DAZAP1: variants seen among roughly 807,000 people sequenced by gnomAD.
The protein encoded by DAZAP1 is DAZ-associated protein 1.
In DAZAP1, 6 loss-of-function variants were observed where a neutral mutation model predicts 60.1. The observed-to-expected ratio is 0.10, with a 90% CI of 0.05 to 0.20. DAZAP1 has a LOEUF of 0.20. DAZAP1 is among the 10% of genes least tolerant of loss of function. The pLI is 1.00. For synonymous variants in DAZAP1, 235 were observed against 215.9 expected, an observed-to-expected ratio of 1.09 and a Z score of -0.78; for missense variants, 366 against 560.4, an observed-to-expected ratio of 0.65 and a Z score of 3.50.
chr19:1,421,306 T>G lies in DAZAP1; in HGVS notation c.414+48T>G, dbSNP rs746142427. On this transcript the variant is annotated intron_variant, in intron 5 of 11. Transcript: ENST00000233078. ...AGCACTGTGGGGACAGAGCCGCTTCTGCTCAGGCCTGGGCCTTCTTGGGGC... is the reference window on the plus strand; with the variant it reads ...AGCACTGTGGGGACAGAGCCGCTTCGGCTCAGGCCTGGGCCTTCTTGGGGC... 23 of 1,556,814 alleles carry G rather than the reference T, an allele frequency of 1.5e-5. No homozygotes were observed. The Admixed American group carries it at 3.9e-4, about 26-fold the overall frequency.
chr19:1,426,669 G>A lies in DAZAP1; in HGVS notation c.546+709G>A, dbSNP rs1473869960. The A allele has an allele frequency of 6.6e-6, 1 of 152,154 alleles. No individual in the cohort carries two copies. Among genetic ancestry groups the A allele is most frequent in the African/African-American group, 2.4e-5 (1 of 41,412 alleles). 9.4% of individuals were successfully genotyped at this position (152,154 alleles called of 1,614,324 possible). A position where few individuals can be genotyped will look rare whatever the true frequency, so the allele number is the denominator to read the frequency against. On this transcript the variant is annotated intron_variant, in intron 7 of 11. Transcript: ENST00000233078. The surrounding 1 kb of genome is among the most constrained non-coding windows in gnomAD (Gnocchi z 5.4). ...GGACCCTTGGAGGTTCTTGAGAAGT[G>A]GACTCTGAAATAAATAACTGGTAGA...
intron 1 of DAZAP1, chr19:1,417,247 G>T (rs547475014): frequency 1.5e-5 from 8 of 538,524 alleles, no homozygotes; most frequent in South Asian, 1.4e-4. Context: ...CGCCCGCCAC[G>T]CATGAGGTCA....
At position 1,434,568 on chromosome 19, in the gene DAZAP1, C is replaced by T. The variant is rs571929635; in HGVS notation, c.1049-169C>T. 148 of 611,380 alleles carry T rather than the reference C, an allele frequency of 2.4e-4. No individual in the cohort carries two copies. The highest frequency in any genetic ancestry group is 3.4e-4 in the Non-Finnish European group (120 of 350,040). The allele number at this position is 611,380 out of a possible 1,614,324, so 37.9% of individuals were successfully genotyped here. ...ATGTTTTTGAGGGAGAGAACATGCC[C>T]GGGGTCCTCTCCCCGGCCCAGGTGC... On this transcript the variant is annotated intron_variant, in intron 11 of 11. Transcript: ENST00000233078. This position sits in a 1 kb window ranked among gnomAD's most constrained non-coding sequence, Gnocchi z 8.0.
Position 1,418,121 on chromosome 19 carries a change from G to T in DAZAP1, c.71-83G>T, listed in dbSNP as rs559656263. Reference sequence around the variant, plus strand: ...GGTGCGTGGCTGGTGGACTGGAGGAGTGTGCGTGCCGGCAGCACTGCCAGG... The same window carrying T: ...GGTGCGTGGCTGGTGGACTGGAGGATTGTGCGTGCCGGCAGCACTGCCAGG... On this transcript the variant is annotated intron_variant, in intron 2 of 11. Transcript: ENST00000233078. This position sits in a 1 kb window ranked among gnomAD's most constrained non-coding sequence, Gnocchi z 5.7. 833 of 1,432,946 alleles carry T rather than the reference G, an allele frequency of 5.8e-4. 11 individuals are homozygous for T. In the South Asian group the frequency reaches 9.6e-3, roughly 17 times the overall value. The allele number at this position is 1,432,946 out of a possible 1,614,324, so 88.8% of individuals were successfully genotyped here.
chr19:1,430,254 G>GCCCCCCCCCC lies in DAZAP1; in HGVS notation c.770_771insCCCCCCCCCC (p.Pro261AlafsTer169), dbSNP rs2083411087. ...TGGACCGCCCCCTGCAGGAAGAGGA[G>GCCCCCCCCCC]CCCCCCCGCCACCCCCACCGTTCAC... is the stretch of plus-strand genomic sequence containing the variant. On this transcript the variant is annotated frameshift_variant, in exon 10 of 12. Coordinates refer to ENST00000233078, the MANE Select transcript of DAZAP1 (RefSeq NM_018959.4). LOFTEE classifies it high-confidence loss of function. The GCCCCCCCCCC allele has an allele frequency of 1.7e-5, 22 of 1,295,208 alleles. No homozygotes were observed. Among genetic ancestry groups the GCCCCCCCCCC allele is most frequent in the Non-Finnish European group, 2.2e-5 (20 of 924,028 alleles). The allele number at this position is 1,295,208 out of a possible 1,614,324, so 80.2% of individuals were successfully genotyped here.
rs1181366598 is a variant in DAZAP1, at chr19:1,435,196, CT to C, written c.*292del. Reference sequence around the variant, plus strand: ...CAAAACTTCAGGTTTCTTTTTCTTCCTTTTTTTTGGAAATTATTTTCCTGAG... The same window carrying C: ...CAAAACTTCAGGTTTCTTTTTCTTCCTTTTTTTGGAAATTATTTTCCTGAG... On this transcript the variant is annotated 3_prime_UTR_variant, in exon 12 of 12. Transcript: ENST00000233078. 1.2e-4 allele frequency: 26 copies of C among 214,662 alleles called. No individual in the cohort carries two copies. The highest frequency in any genetic ancestry group is 2.1e-4 in the East Asian group (2 of 9,722). 13.3% of individuals were successfully genotyped at this position (214,662 alleles called of 1,614,324 possible).
At chr19:1,414,528 C>T (rs2082918369) in intron 1 of DAZAP1, among the ~76,000 whole-genome samples, 1 of 151,962 alleles carries the variant, frequency 6.6e-6, no homozygotes, top group Admixed American at 6.6e-5. Flanking sequence ...TGGTGGATCA[C>T]GAGGTCAAGA....
At position 1,422,330 on chromosome 19, in the gene DAZAP1, GC is replaced by G. The variant is rs1032704443; in HGVS notation, c.415-16del. On this transcript the variant is annotated splice_polypyrimidine_tract_variant and intron_variant, in intron 5 of 11. Transcript: ENST00000233078. The surrounding 1 kb of genome is among the most constrained non-coding windows in gnomAD (Gnocchi z 4.5). ...TGCTGGCCCTGGTGTCCGTGCTGAC[GC>G]CACCCTCTCCTTCCAGGTCACGGAG... is the stretch of plus-strand genomic sequence containing the variant. 9 of 1,613,470 alleles carry G rather than the reference GC, an allele frequency of 5.6e-6. No homozygotes were observed. In the African/African-American group the frequency reaches 1.1e-4, roughly 19 times the overall value.
chr19:1,413,337 C>G (rs1429213394), intron 1 of DAZAP1, among the ~76,000 whole-genome samples: 1 of 152,256 alleles, frequency 6.6e-6, no homozygotes, highest in African/African-American at 2.4e-5. Context: ...TGGGAGGTGC[C>G]TGCCCAGGGC....
chr19:1,422,252 G>A lies in DAZAP1; in HGVS notation c.415-96G>A, dbSNP rs1329374776. On this transcript the variant is annotated intron_variant, in intron 5 of 11. Transcript: ENST00000233078. The surrounding 1 kb of genome is among the most constrained non-coding windows in gnomAD (Gnocchi z 4.5). ...CCCGCTCAGGGAGGGCGCACCCTGT[G>A]CGAGAGTTTGGGTTCGTGGGAACAG... 3.4e-6 allele frequency: 4 copies of A among 1,160,746 alleles called. No homozygotes were observed. The highest frequency in any genetic ancestry group is 1.2e-5 in the South Asian group (1 of 80,016). 71.9% of individuals were successfully genotyped at this position (1,160,746 alleles called of 1,614,324 possible).
chr19:1,421,299 C>A, intron 5 of DAZAP1, 41 bp downstream of exon 5: 1 of 1,576,714 alleles, frequency 6.3e-7, no homozygotes, highest in Non-Finnish European at 8.7e-7. Flanking sequence ...GGGGACAGAG[C>A]CGCTTCTGCT....
intron 1 of DAZAP1, among the ~76,000 whole-genome samples, chr19:1,409,113 T>C (rs1314945524): frequency 1.3e-5 from 2 of 152,194 alleles, no homozygotes; most frequent in Non-Finnish European, 2.9e-5. Flanking sequence ...AGAACCAGGA[T>C]GAAAGCACTT....
chr19:1,429,864 CG>C (rs2083399391), intron 8 of DAZAP1, 102 bp from the exon 9 acceptor site: 1 of 1,426,280 alleles, frequency 7.0e-7, no homozygotes, highest in South Asian at 1.3e-5. Context: ...CAGGAGGCTC[CG>C]GGGTTGGTCC....
rs1569110818 is a variant in DAZAP1 at position 1,434,795 on chromosome 19, G to C, written c.1107G>C (p.Gln369His). The change falls in exon 12 of 12, where the codon CAG becomes CAC. Residue 369 changes from glutamine (Q) to histidine (H), a missense_variant. By Grantham distance (24) the Gln-to-His change is conservative. Coordinates refer to ENST00000233078, the MANE Select transcript of DAZAP1 (RefSeq NM_018959.4). This position sits in a 1 kb window ranked among gnomAD's most constrained non-coding sequence, Gnocchi z 8.0. ...AGGGCTTCTCAGACCCCAGCCAGCAGCCTCCTTCCTACGGGGGTCCCTCCG... is the reference window on the plus strand; with the variant it reads ...AGGGCTTCTCAGACCCCAGCCAGCACCCTCCTTCCTACGGGGGTCCCTCCG... The part of the protein sequence containing the change: ...FGQGFSDPSQ[Q>H]PPSYGGPSVP... The C allele has an allele frequency of 6.2e-7, 1 of 1,612,850 alleles. No individual in the cohort carries two copies. The highest frequency in any genetic ancestry group is 8.5e-7 in the Non-Finnish European group (1 of 1,179,502).
In DAZAP1 at chr19:1,433,329, C is replaced by T. The variant is rs2083503447; in HGVS notation, c.1048+639C>T. 4.0e-6 allele frequency: 1 copy of T among 251,694 alleles called. No homozygotes were observed. Among genetic ancestry groups the T allele is most frequent in the Non-Finnish European group, 7.9e-6 (1 of 126,232 alleles). The allele number at this position is 251,694 out of a possible 1,614,324, so 15.6% of individuals were successfully genotyped here. A position where few individuals can be genotyped will look rare whatever the true frequency, so the allele number is the denominator to read the frequency against. ...ACAGCAGCCTTGCTCAGGACCAACG[C>T]GGTGGCCTCAGTGGGCAGGGCTCCA... is the stretch of plus-strand genomic sequence containing the variant. On this transcript the variant is annotated intron_variant, in intron 11 of 11. Coordinates refer to ENST00000233078, the MANE Select transcript of DAZAP1 (RefSeq NM_018959.4). This position sits in a 1 kb window ranked among gnomAD's most constrained non-coding sequence, Gnocchi z 6.1.
rs1246168712 is a variant in DAZAP1 at position 1,432,825 on chromosome 19, G to A, written c.1048+135G>A. 1.1e-5 allele frequency: 12 copies of A among 1,076,100 alleles called. No individual in the cohort carries two copies. Among genetic ancestry groups the A allele is most frequent in the Non-Finnish European group, 1.5e-5 (11 of 754,860 alleles). 66.7% of individuals were successfully genotyped at this position (1,076,100 alleles called of 1,614,324 possible). A position where few individuals can be genotyped will look rare whatever the true frequency, so the allele number is the denominator to read the frequency against. On this transcript the variant is annotated intron_variant, in intron 11 of 11. Coordinates refer to ENST00000233078, the MANE Select transcript of DAZAP1 (RefSeq NM_018959.4). This position sits in a 1 kb window ranked among gnomAD's most constrained non-coding sequence, Gnocchi z 4.9. Reference sequence around the variant, plus strand: ...GGAAAGGGGAGAGGGAGGAGAGGGGGGTGTGGGGGTTGTTGGAGAGATCTC... The same window carrying A: ...GGAAAGGGGAGAGGGAGGAGAGGGGAGTGTGGGGGTTGTTGGAGAGATCTC...
intron 1 of DAZAP1, among the ~76,000 whole-genome samples, chr19:1,412,606 C>T (rs543887625): frequency 1.2e-4 from 18 of 152,234 alleles, no homozygotes; most frequent in Non-Finnish European, 2.6e-4. Flanking sequence ...GAAGCCCACT[C>T]TGGTGCTGCC....
chr19:1,428,739 G>A lies in DAZAP1; in HGVS notation c.547-103G>A. On this transcript the variant is annotated intron_variant, in intron 7 of 11. Coordinates refer to ENST00000233078, the MANE Select transcript of DAZAP1 (RefSeq NM_018959.4). This position sits in a 1 kb window ranked among gnomAD's most constrained non-coding sequence, Gnocchi z 4.0. The stretch of plus-strand genomic sequence containing the variant: ...ATAGTTAAGTATTTAGTCTTAAGTT[G>A]TAAGATGCTAAGTGTAGTCATAAGT... 1.5e-6 allele frequency: 2 copies of A among 1,367,116 alleles called. No individual in the cohort carries two copies. The highest frequency in any genetic ancestry group is 2.0e-6 in the Non-Finnish European group (2 of 992,246). The allele number at this position is 1,367,116 out of a possible 1,614,324, so 84.7% of individuals were successfully genotyped here. A position where few individuals can be genotyped will look rare whatever the true frequency, so the allele number is the denominator to read the frequency against.
At chr19:1,407,862 C>T in intron 1 of DAZAP1, 60 bp downstream of exon 1, 1 of 1,049,978 alleles carries the variant, frequency 9.5e-7, no homozygotes, top group Non-Finnish European at 1.1e-6. Context: ...CGCTCCCCGC[C>T]GCCCGGCCTC....
Sources: gnomAD v4.1 joint callset for allele counts (sites outside exome capture counted in the v4.1 genomes callset) on GRCh38, gnomAD v4.1.1 for gene constraint, Gnocchi (gnomAD v3.1) non-coding constraint, MANE v1.5 for transcripts, NCBI Gene and HGNC (gene_info 2026-07-23, HGNC 2026-07-21) for gene names.